PDGFD: variants seen among roughly 807,000 people sequenced by gnomAD.
PDGFD encodes platelet-derived growth factor D.
A neutral mutation model predicts 44.7 loss-of-function variants in PDGFD; 30 were observed. The observed-to-expected ratio is 0.67, with a 90% CI of 0.50 to 0.91. The LOEUF is 0.91. PDGFD is among the 40% of genes least tolerant of loss of function. The pLI, the probability that PDGFD is intolerant of heterozygous loss-of-function variation, is 0.00. For missense variants in PDGFD, 445 were observed against 457.8 expected (o/e 0.97, Z 0.25); for synonymous variants, 173 against 168.4 (o/e 1.03, Z -0.21).
At chr11:103,937,869 C>A (rs1858517379) in intron 5 of PDGFD, among the ~76,000 whole-genome samples, 1 of 151,998 alleles carries the variant, frequency 6.6e-6, no homozygotes, top group African/African-American at 2.4e-5. Context: ...CATGTCCCTA[C>A]AAAGGACACG....
At chr11:104,053,070 G>T (rs1217547297) in intron 1 of PDGFD, among the ~76,000 whole-genome samples, 2 of 152,034 alleles carry the variant, frequency 1.3e-5, no homozygotes, top group Non-Finnish European at 2.9e-5. Context: ...TGATTTAATT[G>T]AACAAATACT....
Position 104,029,479 on chromosome 11 carries a change from A to G in PDGFD, c.125-29224T>C, listed in dbSNP as rs117107846. On this transcript the variant is annotated intron_variant, in intron 1 of 6. Transcript: ENST00000393158. ...AATAGAGAAAGCTACATAAACAACA[A>G]TCTGAAGTTTTGTCTTTTATAAGAC... 1.8e-4 allele frequency among the ~76,000 whole-genome samples: 28 copies of G among 152,364 alleles called. No individual in the cohort carries two copies. In the East Asian group the frequency reaches 4.6e-3, roughly 25 times the overall value.
chr11:103,961,993 A>T (rs1200785896), intron 3 of PDGFD, among the ~76,000 whole-genome samples: 1 of 152,122 alleles, frequency 6.6e-6, no homozygotes, highest in Non-Finnish European at 1.5e-5. Context: ...TACAAAGAAC[A>T]TTTTTTTATA....
chr11:103,939,400 G>C (rs1858547182), intron 5 of PDGFD, among the ~76,000 whole-genome samples: 1 of 152,104 alleles, frequency 6.6e-6, no homozygotes, highest in African/African-American at 2.4e-5. Flanking sequence ...TTTGTACATT[G>C]ATTTTGTATC....
At position 104,147,124 on chromosome 11, in the gene PDGFD, T is replaced by C. The variant is rs1047339934; in HGVS notation, c.124+16680A>G. Among the ~76,000 whole-genome samples the C allele has an allele frequency of 4.6e-5, 7 of 152,072 alleles. No homozygotes were observed. The East Asian group carries it at 1.3e-3, about 29-fold the overall frequency. On this transcript the variant is annotated intron_variant, in intron 1 of 6. Transcript: ENST00000393158. ...ACACTGTGACTTGACACATATAAGG[T>C]TGTTGAAGAGATTCTGATCTTGCGA...
intron 1 of PDGFD, among the ~76,000 whole-genome samples, chr11:104,063,330 G>A (rs949541766): frequency 6.7e-6 from 1 of 148,384 alleles, no homozygotes; most frequent in Non-Finnish European, 1.5e-5. Context: ...GAGAGAGAGA[G>A]GAGAGAGAGA....
chr11:104,026,283 C>G (rs1040943004), intron 1 of PDGFD, among the ~76,000 whole-genome samples: 21 of 152,194 alleles, frequency 1.4e-4, no homozygotes, highest in Non-Finnish European at 2.2e-4. Flanking sequence ...TCACTCAAAG[C>G]AACAGGGAAT....
chr11:104,002,538 C>A (rs1434546123), intron 1 of PDGFD, among the ~76,000 whole-genome samples: 1 of 152,220 alleles, frequency 6.6e-6, no homozygotes, highest in Non-Finnish European at 1.5e-5. Flanking sequence ...GCCAATTAAA[C>A]CTCTGTTCTT....
intron 5 of PDGFD, among the ~76,000 whole-genome samples, chr11:103,935,234 C>G (rs765658909): frequency 6.6e-6 from 1 of 152,160 alleles, no homozygotes; most frequent in Non-Finnish European, 1.5e-5. Context: ...CAAAGACGGA[C>G]AACTGCGTCT....
At chr11:104,145,490 T>A (rs1862149379) in intron 1 of PDGFD, among the ~76,000 whole-genome samples, 1 of 152,212 alleles carries the variant, frequency 6.6e-6, no homozygotes, top group African/African-American at 2.4e-5. Context: ...CTGCAAGTCT[T>A]TAAGTATGTC....
intron 3 of PDGFD, among the ~76,000 whole-genome samples, chr11:103,967,311 C>T (rs1048113553): frequency 1.3e-5 from 2 of 152,178 alleles, no homozygotes; most frequent in Non-Finnish European, 2.9e-5. Context: ...GTCTCCACCC[C>T]TTGTTACCAT....
intron 6 of PDGFD, among the ~76,000 whole-genome samples, chr11:103,913,001 C>T (rs2134299590): frequency 1.3e-5 from 2 of 152,186 alleles, no homozygotes; most frequent in African/African-American, 4.8e-5. Context: ...TAGAGACCTA[C>T]AAAGAGACTT....
At chr11:104,108,423 T>G (rs987480721) in intron 1 of PDGFD, among the ~76,000 whole-genome samples, 3 of 151,994 alleles carry the variant, frequency 2.0e-5, no homozygotes, top group Non-Finnish European at 4.4e-5. Flanking sequence ...AAGAAGACAT[T>G]TATGCAGCCA....
intron 1 of PDGFD, among the ~76,000 whole-genome samples, chr11:104,109,772 T>C (rs1157411571): frequency 6.6e-6 from 1 of 151,794 alleles, no homozygotes; most frequent in Non-Finnish European, 1.5e-5. Context: ...CATCATTAAG[T>C]TAAAAAAAAA....
chr11:103,964,390 GC>G (rs1858983096), intron 3 of PDGFD, among the ~76,000 whole-genome samples: 1 of 152,042 alleles, frequency 6.6e-6, no homozygotes, highest in African/African-American at 2.4e-5. Flanking sequence ...GCATAACCTA[GC>G]AAACTATTGC....
intron 1 of PDGFD, among the ~76,000 whole-genome samples, chr11:104,132,061 G>A (rs765537422): frequency 1.3e-5 from 2 of 150,622 alleles, no homozygotes; most frequent in Non-Finnish European, 3.0e-5. Flanking sequence ...CTGACATGGT[G>A]AGCATGCCAA....
intron 3 of PDGFD, among the ~76,000 whole-genome samples, chr11:103,969,961 T>C (rs1332972669): frequency 3.3e-5 from 5 of 152,084 alleles, no homozygotes; most frequent in Admixed American, 3.3e-4. Flanking sequence ...TTCCCTACCA[T>C]AGATCTCCAT....
At chr11:103,942,599 A>C (rs1435218616) in intron 5 of PDGFD, among the ~76,000 whole-genome samples, 1 of 152,036 alleles carries the variant, frequency 6.6e-6, no homozygotes, top group Non-Finnish European at 1.5e-5. Context: ...CTCTGCCTTG[A>C]GACATTTATA....
At position 103,978,975 on chromosome 11, in the gene PDGFD, CA is replaced by C. The variant is rs554436793; in HGVS notation, c.510+17089del. ...TCATATTAAGAGAAATAATTCTTAA[CA>C]AGGCAGCACATCAGAATCAGCTCAG... On this transcript the variant is annotated intron_variant, in intron 3 of 6. Coordinates refer to ENST00000393158, the MANE Select transcript of PDGFD (RefSeq NM_025208.5). 1.9e-3 allele frequency among the ~76,000 whole-genome samples: 283 copies of C among 152,124 alleles called. 2 individuals carry two copies. The highest frequency in any genetic ancestry group is 6.5e-3 in the African/African-American group (268 of 41,532).
Sources: allele counts gnomAD v4.1 joint callset (sites outside exome capture counted in the v4.1 genomes callset), GRCh38; gene constraint gnomAD v4.1.1; transcripts MANE v1.5; gene names NCBI Gene and HGNC (gene_info 2026-07-23, HGNC 2026-07-21).